ANK3: variants seen among roughly 807,000 people sequenced by gnomAD.
ANK3 encodes the protein ankyrin-3.
Under a neutral mutation model 370.9 loss-of-function variants are expected in ANK3, and 57 were observed. That is an observed-to-expected ratio of 0.15 (90% CI 0.12 to 0.19). The LOEUF (loss-of-function observed/expected upper bound fraction) is 0.19. Ranked by LOEUF, ANK3 falls within the 10% of genes least tolerant of loss-of-function variation. The pLI, the probability that ANK3 is intolerant of heterozygous loss-of-function variation, is 1.00. For missense variants in ANK3, 4,439 were observed against 5,302.1 expected, an observed-to-expected ratio of 0.84 and a Z score of 5.06; for synonymous variants, 1,929 against 1,946.3, an observed-to-expected ratio of 0.99 and a Z score of 0.23.
chr10:60,290,512 T>A (rs2041102934), intron 1 of ANK3, among the ~76,000 whole-genome samples: 1 of 152,064 alleles, frequency 6.6e-6, no homozygotes, highest in African/African-American at 2.4e-5. Flanking sequence ...TTAAAAAAAA[T>A]GCTTCTAAAT....
chr10:60,231,530 C>T (rs184271074), intron 8 of ANK3, among the ~76,000 whole-genome samples: 19 of 152,204 alleles, frequency 1.2e-4, no homozygotes, highest in Non-Finnish European at 2.1e-4. Flanking sequence ...CAGGGGCTAC[C>T]GGACTGGGTA....
intron 2 of ANK3, among the ~76,000 whole-genome samples, chr10:60,548,997 A>T (rs1273504810): frequency 6.6e-6 from 1 of 152,202 alleles, no homozygotes; most frequent in Non-Finnish European, 1.5e-5. Flanking sequence ...CTCAATTGGA[A>T]TATTGTGGGC....
intron 2 of ANK3, among the ~76,000 whole-genome samples, chr10:60,590,662 A>C (rs888598321): frequency 6.6e-6 from 1 of 152,264 alleles, no homozygotes. Context: ...CTTTGTGGCC[A>C]TTTAGTAGAC....
intron 1 of ANK3, among the ~76,000 whole-genome samples, chr10:60,317,710 ATTTTTTT>A (rs11365078): frequency 9.1e-6 from 1 of 109,340 alleles, no homozygotes; most frequent in Non-Finnish European, 1.9e-5. Context: ...TCATGAGATA[ATTTTTTT>A]TTTTTTTTTT....
At chr10:60,270,071 G>T in intron 5 of ANK3, 60 bp downstream of exon 5, 2 of 1,156,976 alleles carry the variant, frequency 1.7e-6, no homozygotes, top group South Asian at 1.9e-5. Context: ...CACAACTCCA[G>T]GTTTTCAAAA....
chr10:60,372,252 A>G (rs80215809), intron 1 of ANK3, among the ~76,000 whole-genome samples: 15,842 of 152,218 alleles, frequency 0.1, 877 homozygotes, highest in South Asian at 0.13. Context: ...CCCCAAAACA[A>G]CTGTGACTTT....
At chr10:60,693,027 G>A (rs551206414) in intron 1 of ANK3, among the ~76,000 whole-genome samples, 12 of 152,330 alleles carry the variant, frequency 7.9e-5, no homozygotes, top group Admixed American at 5.2e-4. Context: ...GACAGTGGGC[G>A]CAGGTCAGTG....
At chr10:60,195,088 T>C (rs558087021) in intron 16 of ANK3, among the ~76,000 whole-genome samples, 140 of 152,180 alleles carry the variant, frequency 9.2e-4, no homozygotes, top group Non-Finnish European at 1.7e-3. Context: ...AAATCAAAGA[T>C]GTAAAAAGCA....
intron 7 of ANK3, among the ~76,000 whole-genome samples, chr10:60,247,399 T>C (rs1384121968): frequency 6.6e-6 from 1 of 152,156 alleles, no homozygotes; most frequent in Non-Finnish European, 1.5e-5. Context: ...AAAACTTCCA[T>C]TGTAACCATT....
intron 2 of ANK3, among the ~76,000 whole-genome samples, chr10:60,465,953 CT>C (rs746727050): frequency 2.0e-5 from 3 of 151,812 alleles, no homozygotes; most frequent in Non-Finnish European, 4.4e-5. Context: ...TCATATGAGC[CT>C]TTATTTTATA....
chr10:60,625,192 C>A (rs192846188), intron 1 of ANK3, among the ~76,000 whole-genome samples: 2 of 152,116 alleles, frequency 1.3e-5, no homozygotes, highest in Admixed American at 1.3e-4. Context: ...AGGGGAACAC[C>A]GAGGCACCAG....
chr10:60,169,372 T>G (rs78884589), intron 21 of ANK3, among the ~76,000 whole-genome samples: 2,021 of 143,010 alleles, frequency 0.014, 65 homozygotes, highest in African/African-American at 0.055. Context: ...TAGTTTTTTT[T>G]TTTTTTTTTT....
chr10:60,397,754 T>G (rs1300172398), intron 2 of ANK3, among the ~76,000 whole-genome samples: 2 of 152,212 alleles, frequency 1.3e-5, no homozygotes, highest in Middle Eastern at 3.2e-3. Context: ...TTCCATTAGA[T>G]CATGCCAATA....
intron 2 of ANK3, among the ~76,000 whole-genome samples, chr10:60,553,424 T>C (rs1475074742): frequency 6.6e-6 from 1 of 150,758 alleles, no homozygotes; most frequent in Non-Finnish European, 1.5e-5. Flanking sequence ...TTTCGTCTTC[T>C]ATTTTTCTGA....
At chr10:60,130,167 G>C (rs1474334762) in intron 25 of ANK3, among the ~76,000 whole-genome samples, 2 of 152,194 alleles carry the variant, frequency 1.3e-5, no homozygotes, top group Non-Finnish European at 2.9e-5. Flanking sequence ...TTAGGACTAA[G>C]TACTCAGGCT....
chr10:60,371,450 T>C (rs756401081), intron 1 of ANK3, among the ~76,000 whole-genome samples: 2 of 152,106 alleles, frequency 1.3e-5, no homozygotes, highest in Non-Finnish European at 2.9e-5. Context: ...TCTCTCTTAA[T>C]AGGCTGCCAG....
At chr10:60,406,644 A>G (rs569122179) in intron 2 of ANK3, among the ~76,000 whole-genome samples, 1 of 152,322 alleles carries the variant, frequency 6.6e-6, no homozygotes, top group Admixed American at 6.5e-5. Context: ...ACCAGTCCAC[A>G]GCCCGGGGGC....
chr10:60,655,212 A>G lies in ANK3; in HGVS notation c.58-39988T>C, dbSNP rs115271894. On this transcript the variant is annotated intron_variant, in intron 1 of 43. Transcript: ENST00000373827. ...AGCATACTCCTATTTATTTAAAAAA[A>G]AAAAAGAAAAAAAGGTTAACTGTAA... Among the ~76,000 whole-genome samples the G allele has an allele frequency of 9.2e-3, 1,392 of 151,988 alleles. 15 individuals are homozygous for G. Among genetic ancestry groups the G allele is most frequent in the African/African-American group, 0.031 (1,281 of 41,496 alleles).
chr10:60,690,393 C>T (rs188666837), intron 1 of ANK3, among the ~76,000 whole-genome samples: 31 of 152,240 alleles, frequency 2.0e-4, no homozygotes, highest in African/African-American at 6.5e-4. Flanking sequence ...TAATACTGCA[C>T]GCTTTTCCAA....
Sources: allele counts gnomAD v4.1 joint callset (sites outside exome capture counted in the v4.1 genomes callset), GRCh38; gene constraint gnomAD v4.1.1; transcripts MANE v1.5; gene names NCBI Gene and HGNC (gene_info 2026-07-23, HGNC 2026-07-21).